Variants in LONRF2 observed in about 807,000 individuals in gnomAD.
LONRF2 encodes the protein LON peptidase N-terminal domain and RING finger protein 2.
In LONRF2, 35 loss-of-function variants were observed where a neutral mutation model predicts 66.6. That is an observed-to-expected ratio of 0.53 (90% CI 0.40 to 0.70). LONRF2 has a LOEUF of 0.70. LONRF2 is among the 30% of genes least tolerant of loss of function. The pLI is 0.00. For missense variants in LONRF2, 902 were observed against 1,002.1 expected, an observed-to-expected ratio of 0.90 and a Z score of 1.35; for synonymous variants, 417 against 418.1, an observed-to-expected ratio of 1.00 and a Z score of 0.03.
At position 100,321,928 on chromosome 2, in the gene LONRF2, G is replaced by A; in HGVS notation, c.166C>T (p.Pro56Ser). 2.2e-6 allele frequency: 3 copies of A among 1,388,210 alleles called. No individual in the cohort carries two copies. The highest frequency in any genetic ancestry group is 2.8e-6 in the Non-Finnish European group (3 of 1,068,374). 86.0% of individuals were successfully genotyped at this position (1,388,210 alleles called of 1,614,324 possible). ...FRSMLAGLAQ[P>S]DRGLCLRLGD... ...AGCCTCAGGCACAGGCCGCGGTCCG[G>A]CTGCGCCAGCCCGGCTAGCATGGAG... is the stretch of plus-strand genomic sequence containing the variant. The change falls in exon 1 of 12, where the codon CCG (proline) becomes TCG (serine). Residue 56 changes from proline (P) to serine (S), a missense_variant. Transcript: ENST00000393437.
chr2:100,321,224 C>T (rs1675616285), intron 1 of LONRF2, among the ~76,000 whole-genome samples, 191 bp downstream of exon 1: 1 of 152,240 alleles, frequency 6.6e-6, no homozygotes, highest in East Asian at 1.9e-4. Context: ...GTGGGGTGCA[C>T]TTGGCCTCTC....
chr2:100,289,430 C>CTTT (rs10543662), intron 10 of LONRF2, among the ~76,000 whole-genome samples: 27 of 77,086 alleles, frequency 3.5e-4, no homozygotes, highest in Non-Finnish European at 5.5e-4. Flanking sequence ...ACAATAAGGT[C>CTTT]TTTTTTTTTT....
intron 1 of LONRF2, among the ~76,000 whole-genome samples, chr2:100,312,798 C>T (rs1377892223): frequency 6.6e-6 from 1 of 152,220 alleles, no homozygotes; most frequent in Non-Finnish European, 1.5e-5. Context: ...TAAATGCTTA[C>T]ACATTTTCTA....
In LONRF2 at chr2:100,283,412, A is replaced by G. The variant is rs1674779602; in HGVS notation, c.*886T>C. On this transcript the variant is annotated 3_prime_UTR_variant, in exon 12 of 12. Transcript: ENST00000393437. ...AAACTGAAATTTACTGATGGGGCTA[A>G]TTTCTAATGCAAATCCCAATAGAAA... 6.6e-6 allele frequency: 1 copy of G among 152,138 alleles called. No homozygotes were observed. Among genetic ancestry groups the G allele is most frequent in the Non-Finnish European group, 1.5e-5 (1 of 68,010 alleles). 9.4% of individuals were successfully genotyped at this position (152,138 alleles called of 1,614,324 possible). A position where few individuals can be genotyped will look rare whatever the true frequency, so the allele number is the denominator to read the frequency against.
Position 100,322,138 on chromosome 2 carries a change from G to A in LONRF2, c.-45C>T. 2.4e-6 allele frequency: 3 copies of A among 1,225,348 alleles called. No individual in the cohort carries two copies. Among genetic ancestry groups the A allele is most frequent in the Non-Finnish European group, 3.1e-6 (3 of 982,980 alleles). The allele number at this position is 1,225,348 out of a possible 1,614,324, so 75.9% of individuals were successfully genotyped here. On this transcript the variant is annotated 5_prime_UTR_variant, in exon 1 of 12. Transcript: ENST00000393437. The stretch of plus-strand genomic sequence containing the variant: ...CGCGGGTCCGGAGCGAAGGCGCGGA[G>A]CAGGGAGGATGCGCTGCTGCTGGGA...
intron 9 of LONRF2, among the ~76,000 whole-genome samples, chr2:100,291,151 C>T (rs1674952037): frequency 6.6e-6 from 1 of 151,586 alleles, no homozygotes; most frequent in East Asian, 2.0e-4. Context: ...GGAAGAGACA[C>T]AAAAGTGTGT....
At chr2:100,318,913 C>A (rs1675566694) in intron 1 of LONRF2, among the ~76,000 whole-genome samples, 1 of 151,464 alleles carries the variant, frequency 6.6e-6, no homozygotes, top group African/African-American at 2.4e-5. Context: ...GGGCGGATCA[C>A]AAGGTCAGGA....
At position 100,286,897 on chromosome 2, in the gene LONRF2, A is replaced by G. The variant is rs748121444; in HGVS notation, c.2070+17T>C. 1.2e-6 allele frequency: 2 copies of G among 1,610,144 alleles called. No individual in the cohort carries two copies. Among genetic ancestry groups the G allele is most frequent in the Non-Finnish European group, 1.7e-6 (2 of 1,178,002 alleles). ...GCAGGAAGTAACAGAATTATAAAGG[A>G]AAAAGGGAGGGCATACCTGAGGCTC... On this transcript the variant is annotated intron_variant, in intron 11 of 11. Coordinates refer to ENST00000393437, the MANE Select transcript of LONRF2 (RefSeq NM_198461.4).
In LONRF2 at chr2:100,282,497, C is replaced by T. The variant is rs1215978505; in HGVS notation, c.*1801G>A. On this transcript the variant is annotated 3_prime_UTR_variant, in exon 12 of 12. Transcript: ENST00000393437. ...ATGAACCACTTCTGGTAAAGGTCTT[C>T]TGGCATGTGAGATGCATTTTGTTTT... 1 of 152,228 alleles carries T rather than the reference C, an allele frequency of 6.6e-6. No individual in the cohort carries two copies. The highest frequency in any genetic ancestry group is 1.5e-5 in the Non-Finnish European group (1 of 68,032). The allele number at this position is 152,228 out of a possible 1,614,324, so 9.4% of individuals were successfully genotyped here.
rs1453979792 is a variant in LONRF2 at position 100,273,116 on chromosome 2, G to A, written c.*11182C>T. 6.6e-6 allele frequency among the ~76,000 whole-genome samples: 1 copy of A among 152,240 alleles called. No individual in the cohort carries two copies. The highest frequency in any genetic ancestry group is 1.9e-4 in the East Asian group (1 of 5,194). ...GGACACAGACACACAGAGGGAAGAA[G>A]GCCATGTGACGATGGACACGGAAAC... On this transcript the variant is annotated 3_prime_UTR_variant, in exon 12 of 12. Transcript: ENST00000393437.
At chr2:100,291,617 A>T (rs1364556606) in intron 9 of LONRF2, among the ~76,000 whole-genome samples, 1 of 152,032 alleles carries the variant, frequency 6.6e-6, no homozygotes, top group East Asian at 1.9e-4. Context: ...GAATTGCTCA[A>T]ATCACTTGAC....
At chr2:100,298,543 C>T (rs796078641) in intron 7 of LONRF2, among the ~76,000 whole-genome samples, 24 of 152,302 alleles carry the variant, frequency 1.6e-4, no homozygotes, top group African/African-American at 5.1e-4. Flanking sequence ...ACCATGACAA[C>T]GTCTCAACCA....
chr2:100,312,720 C>T (rs1022856528), intron 1 of LONRF2, among the ~76,000 whole-genome samples: 11 of 152,166 alleles, frequency 7.2e-5, no homozygotes, highest in Admixed American at 3.9e-4. Context: ...TCTTTGTTGA[C>T]GTCCACCATT....
intron 4 of LONRF2, 100 bp from the exon 5 acceptor site, chr2:100,300,018 A>AGG (rs1675149008): frequency 1.1e-5 from 4 of 379,428 alleles, no homozygotes; most frequent in Admixed American, 4.2e-5. Context: ...TGGAAAAAAA[A>AGG]AGGGGGGGGC....
rs1253149838 is a variant in LONRF2 at position 100,282,885 on chromosome 2, T to C, written c.*1413A>G. On this transcript the variant is annotated 3_prime_UTR_variant, in exon 12 of 12. Coordinates refer to ENST00000393437, the MANE Select transcript of LONRF2 (RefSeq NM_198461.4). ...GAAAACTAAAGAAAAATTAATAATATTATAAAGTCTTTCTAATAAAATGCT... is the reference window on the plus strand; with the variant it reads ...GAAAACTAAAGAAAAATTAATAATACTATAAAGTCTTTCTAATAAAATGCT... The C allele has an allele frequency of 6.7e-6, 1 of 149,398 alleles. No individual in the cohort carries two copies. The highest frequency in any genetic ancestry group is 2.0e-4 in the East Asian group (1 of 5,064). The allele number at this position is 149,398 out of a possible 1,614,324, so 9.3% of individuals were successfully genotyped here.
At chr2:100,314,363 G>A (rs1232348017) in intron 1 of LONRF2, among the ~76,000 whole-genome samples, 1 of 152,188 alleles carries the variant, frequency 6.6e-6, no homozygotes, top group Admixed American at 6.5e-5. Context: ...CAGTCTTTTA[G>A]ATGTTAATTG....
rs1674751972 is a variant in LONRF2, at chr2:100,282,061, T to C, written c.*2237A>G. On this transcript the variant is annotated 3_prime_UTR_variant, in exon 12 of 12. Transcript: ENST00000393437. ...GAACAGAGAGAGCACGATGTGATCA[T>C]AGTTAATTCCCTCTGGTATCAAAAA... 6.6e-6 allele frequency: 1 copy of C among 152,094 alleles called. No homozygotes were observed. Among genetic ancestry groups the C allele is most frequent in the Non-Finnish European group, 1.5e-5 (1 of 68,020 alleles). 9.4% of individuals were successfully genotyped at this position (152,094 alleles called of 1,614,324 possible). A position where few individuals can be genotyped will look rare whatever the true frequency, so the allele number is the denominator to read the frequency against.
At chr2:100,310,798 C>T (rs28631885) in intron 1 of LONRF2, among the ~76,000 whole-genome samples, 12,793 of 152,142 alleles carry the variant, frequency 0.084, 1,736 homozygotes, top group African/African-American at 0.29. Flanking sequence ...TGAAGGATAT[C>T]ATATAGATAC....
chr2:100,291,216 C>G (rs1274136116), intron 9 of LONRF2, among the ~76,000 whole-genome samples: 1 of 152,008 alleles, frequency 6.6e-6, no homozygotes, highest in Admixed American at 6.5e-5. Flanking sequence ...CTTGTGTGGG[C>G]TGGCACCAGA....
Sources: gnomAD v4.1 joint callset for allele counts (sites outside exome capture counted in the v4.1 genomes callset) on GRCh38, gnomAD v4.1.1 for gene constraint, MANE v1.5 for transcripts, NCBI Gene and HGNC (gene_info 2026-07-23, HGNC 2026-07-21) for gene names.